Variants in PTPRT observed in about 807,000 individuals in gnomAD.
PTPRT encodes receptor-type tyrosine-protein phosphatase T.
Under a neutral mutation model 176.8 loss-of-function variants are expected in PTPRT, and 56 were observed. That is an observed-to-expected ratio of 0.32 (90% CI 0.26 to 0.40). PTPRT has a LOEUF of 0.40. PTPRT is among the 10% of genes least tolerant of loss of function. The pLI, the probability that PTPRT is intolerant of heterozygous loss-of-function variation, is 1.00. For missense variants in PTPRT, 1,540 were observed against 1,908.2 expected, an observed-to-expected ratio of 0.81 and a Z score of 3.60; for synonymous variants, 783 against 739.0, an observed-to-expected ratio of 1.06 and a Z score of -0.96.
chr20:42,864,922 A>G (rs1226965896), intron 2 of PTPRT, among the ~76,000 whole-genome samples: 1 of 152,220 alleles, frequency 6.6e-6, no homozygotes, highest in Non-Finnish European at 1.5e-5. Flanking sequence ...TTCAATCAGC[A>G]TGGAGTGTTA....
At chr20:42,435,289 T>A (rs75000601) in intron 9 of PTPRT, among the ~76,000 whole-genome samples, 1,612 of 152,304 alleles carry the variant, frequency 0.011, 14 homozygotes, top group East Asian at 0.029. Flanking sequence ...AATTGTGAAC[T>A]GTGGTCCATG....
chr20:43,119,061 G>A (rs944375378), intron 1 of PTPRT, among the ~76,000 whole-genome samples: 3 of 152,148 alleles, frequency 2.0e-5, no homozygotes, highest in East Asian at 1.9e-4. Flanking sequence ...TTAAAGGGAC[G>A]CTTGAGCAAA....
At chr20:42,219,017 G>T (rs1245448132) in intron 15 of PTPRT, among the ~76,000 whole-genome samples, 3 of 152,108 alleles carry the variant, frequency 2.0e-5, no homozygotes, top group Non-Finnish European at 4.4e-5. Flanking sequence ...TGCTTTGCAG[G>T]GAGAAGAATA....
intron 1 of PTPRT, among the ~76,000 whole-genome samples, chr20:42,986,296 G>A (rs1271993974): frequency 6.6e-6 from 1 of 152,206 alleles, no homozygotes; most frequent in Non-Finnish European, 1.5e-5. Flanking sequence ...ACCCTGAGGT[G>A]TTCCCAGCCC....
At chr20:42,780,045 T>A (rs1161764385) in intron 4 of PTPRT, among the ~76,000 whole-genome samples, 173 bp downstream of exon 4, 1 of 152,082 alleles carries the variant, frequency 6.6e-6, no homozygotes, top group African/African-American at 2.4e-5. Context: ...CCGGCAAAAT[T>A]ATGGATTTAT....
At chr20:42,796,884 A>T (rs530047775) in intron 2 of PTPRT, among the ~76,000 whole-genome samples, 1 of 152,326 alleles carries the variant, frequency 6.6e-6, no homozygotes, top group Non-Finnish European at 1.5e-5. Flanking sequence ...TAAACAAGTC[A>T]CTTAACTCTT....
chr20:42,777,631 C>A (rs1249712070), intron 4 of PTPRT, among the ~76,000 whole-genome samples: 2 of 152,176 alleles, frequency 1.3e-5, no homozygotes, highest in African/African-American at 2.4e-5. Flanking sequence ...AAGGACCGAA[C>A]CTTTCTTAGT....
chr20:42,518,453 C>T (rs1031100664), intron 7 of PTPRT, among the ~76,000 whole-genome samples: 6 of 151,938 alleles, frequency 3.9e-5, no homozygotes, highest in African/African-American at 1.2e-4. Context: ...CTTTCATGGT[C>T]ACAGTTAACA....
At chr20:42,713,127 A>C (rs2146205186) in intron 6 of PTPRT, among the ~76,000 whole-genome samples, 1 of 149,146 alleles carries the variant, frequency 6.7e-6, no homozygotes. Flanking sequence ...GGAAAGATAT[A>C]CATACACATA....
At chr20:42,099,486 CAAT>C (rs895369965) in intron 26 of PTPRT, among the ~76,000 whole-genome samples, 16 of 131,344 alleles carry the variant, frequency 1.2e-4, no homozygotes, top group Non-Finnish European at 2.3e-4. Context: ...GTGAATAAAA[CAAT>C]AAATTCAGTC....
chr20:42,427,503 C>G (rs577423581), intron 9 of PTPRT, among the ~76,000 whole-genome samples: 1 of 141,146 alleles, frequency 7.1e-6, no homozygotes. Context: ...TGTTCTTCAT[C>G]GATGGCGCCT....
chr20:42,171,561 G>A lies in PTPRT; in HGVS notation c.2492-10019C>T, dbSNP rs111556577. ...TTAATTGAAGAACACAATTTTAAGC[G>A]AATGTGTATGTACTGTACAGGGTAC... On this transcript the variant is annotated intron_variant, in intron 16 of 30. Coordinates refer to ENST00000373187, the MANE Select transcript of PTPRT (RefSeq NM_007050.6). Among the ~76,000 whole-genome samples, 1,223 of 152,154 alleles carry A rather than the reference G, an allele frequency of 8.0e-3. 9 individuals carry two copies. The highest frequency in any genetic ancestry group is 0.028 in the African/African-American group (1,157 of 41,536).
the PTPRT span, among the ~76,000 whole-genome samples, chr20:42,032,985 T>C: frequency 6.6e-6 from 1 of 152,072 alleles, no homozygotes; most frequent in African/African-American, 2.4e-5. Flanking sequence ...TCCATGACTA[T>C]AATCTCAAGA....
rs373200855 is a variant in PTPRT, at chr20:42,823,347, T to C, written c.215-31881A>G. ...GTGGGAGTTGAACACTGAGAATACA[T>C]GGACACACAGAGGGGAATAACACAC... On this transcript the variant is annotated intron_variant, in intron 2 of 30. Transcript: ENST00000373187. Among the ~76,000 whole-genome samples the C allele has an allele frequency of 4.6e-5, 7 of 151,842 alleles. No individual in the cohort carries two copies. In the South Asian group the frequency reaches 1.5e-3, roughly 32 times the overall value.
rs373601977 is a variant in PTPRT, at chr20:42,733,932, G to A, written c.859+22530C>T. Among the ~76,000 whole-genome samples the A allele has an allele frequency of 2.0e-4, 30 of 152,288 alleles. No individual in the cohort carries two copies. In the East Asian group the frequency reaches 4.1e-3, roughly 21 times the overall value. On this transcript the variant is annotated intron_variant, in intron 6 of 30. Transcript: ENST00000373187. ...CAGGAAAAGGCCTTGGTGGCAATGG[G>A]TGTTGCATGAGGAGGTCCTATGGTC...
chr20:43,063,812 G>A (rs1037342228), intron 1 of PTPRT, among the ~76,000 whole-genome samples: 1 of 152,142 alleles, frequency 6.6e-6, no homozygotes, highest in East Asian at 1.9e-4. Context: ...AAGCAGCTCT[G>A]CAAGTTCCCA....
chr20:42,600,348 G>A (rs1321408844), intron 7 of PTPRT, among the ~76,000 whole-genome samples: 1 of 152,038 alleles, frequency 6.6e-6, no homozygotes, highest in African/African-American at 2.4e-5. Flanking sequence ...CCGCGTTGGC[G>A]AAGCTGGTCT....
intron 6 of PTPRT, among the ~76,000 whole-genome samples, chr20:42,741,875 G>A (rs1368734155): frequency 6.6e-6 from 1 of 152,168 alleles, no homozygotes; most frequent in Non-Finnish European, 1.5e-5. Flanking sequence ...GTACCCTGTA[G>A]TTTCCTTCAT....
At chr20:42,949,296 G>A (rs1163818728) in intron 1 of PTPRT, among the ~76,000 whole-genome samples, 1 of 152,138 alleles carries the variant, frequency 6.6e-6, no homozygotes, top group Non-Finnish European at 1.5e-5. Context: ...TGGAACTTCT[G>A]AGCCTAGGTC....
Sources: gnomAD v4.1 joint callset for allele counts (sites outside exome capture counted in the v4.1 genomes callset) on GRCh38, gnomAD v4.1.1 for gene constraint, MANE v1.5 for transcripts, NCBI Gene and HGNC (gene_info 2026-07-23, HGNC 2026-07-21) for gene names.